Variants in KCTD1 observed in about 807,000 individuals in gnomAD.
KCTD1 encodes potassium channel tetramerization domain containing 1.
A neutral mutation model predicts 66.0 loss-of-function variants in KCTD1; 24 were observed. The ratio of observed to expected loss-of-function variants is 0.36; its 90% CI spans 0.26 to 0.51. The LOEUF is 0.51. KCTD1 is among the 20% of genes least tolerant of loss of function. KCTD1 has a pLI of 0.95. For synonymous variants in KCTD1, 511 were observed against 517.2 expected, an observed-to-expected ratio of 0.99 and a Z score of 0.16; for missense variants, 943 against 1,205.2, an observed-to-expected ratio of 0.78 and a Z score of 3.22.
In KCTD1 at chr18:26,510,031, C is replaced by T. The variant is rs1178631424; in HGVS notation, c.1810-8781G>A. 2.0e-5 allele frequency among the ~76,000 whole-genome samples: 3 copies of T among 152,192 alleles called. No homozygotes were observed. In the East Asian group the frequency reaches 5.8e-4, roughly 29 times the overall value. On this transcript the variant is annotated intron_variant, in intron 1 of 4. Transcript: ENST00000580059. Reference sequence around the variant, plus strand: ...AAAAAATGAAGTTTCTTTCTTTCCTCCGAGCACAAAAAAAGTGAAATTTGA... The same window carrying T: ...AAAAAATGAAGTTTCTTTCTTTCCTTCGAGCACAAAAAAAGTGAAATTTGA...
intron 1 of KCTD1, among the ~76,000 whole-genome samples, chr18:26,580,721 A>G (rs897355139): frequency 1.3e-5 from 2 of 152,020 alleles, no homozygotes; most frequent in African/African-American, 4.8e-5. Flanking sequence ...CCCCCTATCT[A>G]TTTTTGTAGG....
chr18:26,537,206 C>CT (rs966530483), intron 1 of KCTD1, among the ~76,000 whole-genome samples: 4 of 151,904 alleles, frequency 2.6e-5, no homozygotes, highest in Non-Finnish European at 4.4e-5. Context: ...CAGCAAGTCT[C>CT]TTTTTTTTCT....
chr18:26,616,484 C>A (rs1222890034), intron 1 of KCTD1, among the ~76,000 whole-genome samples: 2 of 151,406 alleles, frequency 1.3e-5, no homozygotes, highest in East Asian at 3.9e-4. Context: ...TATATACACA[C>A]ACACATATAT....
chr18:26,467,989 T>C (rs1160645388), intron 3 of KCTD1, among the ~76,000 whole-genome samples: 4 of 151,836 alleles, frequency 2.6e-5, no homozygotes, highest in Non-Finnish European at 5.9e-5. Context: ...TTACCAAAGA[T>C]GATGTTAAAG....
chr18:26,597,112 C>T (rs61028981), intron 1 of KCTD1, among the ~76,000 whole-genome samples: 2,144 of 152,050 alleles, frequency 0.014, 57 homozygotes, highest in African/African-American at 0.048. Flanking sequence ...ATAGGAGTCC[C>T]ATGGGGTGAG....
upstream of KCTD1, among the ~76,000 whole-genome samples, chr18:26,643,373 CG>C (rs1339295303): frequency 7.9e-5 from 12 of 152,100 alleles, no homozygotes; most frequent in South Asian, 2.5e-3. Context: ...ATATGAAATT[CG>C]GGGGTACACA....
At chr18:26,493,415 A>T (rs1982310394) in intron 2 of KCTD1, among the ~76,000 whole-genome samples, 1 of 152,134 alleles carries the variant, frequency 6.6e-6, no homozygotes, top group Non-Finnish European at 1.5e-5. Flanking sequence ...TGGGGGGAAA[A>T]ACATGTAGGA....
At chr18:26,625,534 C>T (rs1987480128) in intron 1 of KCTD1, among the ~76,000 whole-genome samples, 1 of 152,070 alleles carries the variant, frequency 6.6e-6, no homozygotes, top group South Asian at 2.1e-4. Context: ...TGTTTGTTTC[C>T]CCTTCCACCA....
intron 1 of KCTD1, among the ~76,000 whole-genome samples, chr18:26,657,053 C>T (rs1001576581): frequency 9.3e-5 from 14 of 151,206 alleles, no homozygotes; most frequent in African/African-American, 3.4e-4. Flanking sequence ...GGAAACCCGG[C>T]CCCCGGCCGC....
chr18:26,639,804 C>G (rs1987797976), intron 1 of KCTD1, among the ~76,000 whole-genome samples: 1 of 152,196 alleles, frequency 6.6e-6, no homozygotes, highest in Admixed American at 6.5e-5. Context: ...TTGGAAGCAG[C>G]AGCGTAGGGG....
intron 1 of KCTD1, among the ~76,000 whole-genome samples, chr18:26,564,574 C>CGT: frequency 6.6e-6 from 1 of 152,110 alleles, no homozygotes; most frequent in East Asian, 1.9e-4. Context: ...GCAAGGCTGC[C>CGT]GTGTGTGTAT....
upstream of KCTD1, among the ~76,000 whole-genome samples, chr18:26,631,907 G>A (rs573201498): frequency 6.7e-6 from 1 of 149,964 alleles, no homozygotes; most frequent in Non-Finnish European, 1.5e-5. Context: ...AAAATTAGCC[G>A]GGCATGGTGG....
chr18:26,531,534 A>G (rs938947157), intron 1 of KCTD1, among the ~76,000 whole-genome samples: 3 of 152,252 alleles, frequency 2.0e-5, no homozygotes, highest in African/African-American at 7.2e-5. Flanking sequence ...TTAACTTTAA[A>G]AAGCCTGACC....
chr18:26,471,807 C>T (rs1290052689), intron 3 of KCTD1, among the ~76,000 whole-genome samples: 1 of 152,030 alleles, frequency 6.6e-6, no homozygotes, highest in Admixed American at 6.6e-5. Context: ...TTAAAAGTGT[C>T]TCATAGTTTC....
chr18:26,478,201 T>C (rs986621616), intron 2 of KCTD1, among the ~76,000 whole-genome samples: 2 of 152,234 alleles, frequency 1.3e-5, no homozygotes, highest in African/African-American at 4.8e-5. Flanking sequence ...GGGAGCTATA[T>C]TAAGTGCTTT....
intron 3 of KCTD1, among the ~76,000 whole-genome samples, chr18:26,470,331 T>C (rs1980987091): frequency 2.0e-5 from 3 of 152,140 alleles, no homozygotes; most frequent in Admixed American, 2.0e-4. Flanking sequence ...TTCTGGCCAA[T>C]GAGCCACAAA....
At chr18:26,638,671 T>C (rs565041961) in intron 1 of KCTD1, among the ~76,000 whole-genome samples, 1 of 152,242 alleles carries the variant, frequency 6.6e-6, no homozygotes, top group Non-Finnish European at 1.5e-5. Context: ...AAAGGGCAGG[T>C]GGCTAGGAAC....
At chr18:26,554,186 A>AAAAG (rs10638457) in intron 1 of KCTD1, among the ~76,000 whole-genome samples, 12,510 of 149,618 alleles carry the variant, frequency 0.084, 1,373 homozygotes, top group African/African-American at 0.24. Context: ...AAGGAAGGAA[A>AAAAG]AAAGAAAGAA....
intron 1 of KCTD1, among the ~76,000 whole-genome samples, chr18:26,615,653 G>T (rs573661886): frequency 6.6e-6 from 1 of 152,144 alleles, no homozygotes; most frequent in Admixed American, 6.5e-5. Flanking sequence ...ATTCTACCCC[G>T]TTCTGATTAG....
Sources: allele counts gnomAD v4.1 joint callset (sites outside exome capture counted in the v4.1 genomes callset), GRCh38; gene constraint gnomAD v4.1.1; transcripts MANE v1.5; gene names NCBI Gene and HGNC (gene_info 2026-07-23, HGNC 2026-07-21).